The following PRKD3 variants were observed in gnomAD, a reference collection of about 807,000 sequenced individuals.
PRKD3 encodes the protein serine/threonine-protein kinase D3.
A neutral mutation model predicts 99.2 loss-of-function variants in PRKD3; 47 were observed. The ratio of observed to expected loss-of-function variants is 0.47; its 90% confidence interval spans 0.38 to 0.60. The LOEUF (loss-of-function observed/expected upper bound fraction) is 0.60. Among genes scored for constraint, PRKD3 ranks in the 20% least tolerant of loss-of-function variants. The pLI is 0.00. For missense variants in PRKD3, 1,019 were observed against 1,088.4 expected (o/e 0.94, Z 0.90); for synonymous variants, 392 against 355.4 (o/e 1.10, Z -1.16).
intron 15 of PRKD3, among the ~76,000 whole-genome samples, chr2:37,259,973 T>A (rs1668286660): frequency 6.6e-6 from 1 of 152,152 alleles, no homozygotes; most frequent in Non-Finnish European, 1.5e-5. Context: ...GAGACCAGCC[T>A]GGCCAACACG....
chr2:37,253,184 T>A lies in PRKD3; in HGVS notation c.2666A>T (p.Asp889Val). 6.2e-7 allele frequency: 1 copy of A among 1,600,226 alleles called. No individual in the cohort carries two copies. The highest frequency in any genetic ancestry group is 8.5e-7 in the Non-Finnish European group (1 of 1,172,096). Residue 889 changes from aspartate (D) to valine (V), a missense_variant, in exon 19 of 19, where the codon GAT (aspartate) becomes GTT (valine). Physicochemically the swap from Asp to Val is radical, Grantham distance 152 (BLOSUM62 -3). Coordinates refer to ENST00000234179, the MANE Select transcript of PRKD3 (RefSeq NM_005813.6). The part of the protein sequence containing the change: ...MAPNPDDMEE[D>V]P Reference sequence around the variant, plus strand: ...TTTAGGTTAGCTCAGTGATTAAGGATCTTCTTCCATATCATCTGGATTAGG... The same window carrying A: ...TTTAGGTTAGCTCAGTGATTAAGGAACTTCTTCCATATCATCTGGATTAGG...
chr2:37,266,489 C>CTT (rs556254577), intron 14 of PRKD3, among the ~76,000 whole-genome samples: 47 of 129,858 alleles, frequency 3.6e-4, no homozygotes, highest in East Asian at 1.3e-3. Context: ...CCACACCCGG[C>CTT]TTTTTTTTTT....
intron 2 of PRKD3, among the ~76,000 whole-genome samples, chr2:37,295,443 T>C (rs1217656333): frequency 6.6e-6 from 1 of 152,092 alleles, no homozygotes; most frequent in East Asian, 1.9e-4. Context: ...ACAAGGTAAA[T>C]GGAAGACGGT....
intron 2 of PRKD3, among the ~76,000 whole-genome samples, chr2:37,299,393 G>C (rs1037666610): frequency 3.3e-5 from 5 of 151,890 alleles, no homozygotes; most frequent in Non-Finnish European, 7.4e-5. Flanking sequence ...TAAAAAGTCG[G>C]GCACAGTGAC....
intron 14 of PRKD3, among the ~76,000 whole-genome samples, chr2:37,263,988 A>G (rs576134491): frequency 1.3e-5 from 2 of 152,306 alleles, no homozygotes; most frequent in East Asian, 3.9e-4. Flanking sequence ...TTCTAATTAC[A>G]TAGGTACCTA....
Position 37,316,318 on chromosome 2 carries a change from T to A in PRKD3, c.207A>T (p.Thr69=). Reference sequence around the variant, plus strand: ...GGGCTTCAATGGTAACACTCTCCCGTGTGAGGCCAATTTGCAGTAGAAATG... The same window carrying A: ...GGGCTTCAATGGTAACACTCTCCCGAGTGAGGCCAATTTGCAGTAGAAATG... ...TVSFLLQIGL[T]RESVTIEAQE... Residue 69 remains threonine (T), a synonymous_variant, in exon 2 of 19, where the codon ACA becomes ACT. Transcript: ENST00000234179. 1.9e-6 allele frequency: 3 copies of A among 1,614,224 alleles called. No individual in the cohort carries two copies. Among genetic ancestry groups the A allele is most frequent in the South Asian group, 2.2e-5 (2 of 91,090 alleles).
intron 1 of PRKD3, among the ~76,000 whole-genome samples, chr2:37,318,864 T>G (rs908500721): frequency 6.6e-6 from 1 of 152,186 alleles, no homozygotes; most frequent in Admixed American, 6.5e-5. Context: ...TTTCAAGTTC[T>G]GGCGGCTGGA....
chr2:37,321,433 T>C (rs1671879039), intron 1 of PRKD3, among the ~76,000 whole-genome samples: 1 of 152,216 alleles, frequency 6.6e-6, no homozygotes, highest in Non-Finnish European at 1.5e-5. Flanking sequence ...GAGGATTATC[T>C]CACGGTAATA....
chr2:37,324,380 G>C (rs1672023963), intron 1 of PRKD3: 1 of 222,642 alleles, frequency 4.5e-6, no homozygotes, highest in African/African-American at 2.3e-5. Context: ...TGCCCTCCGC[G>C]CGGACGCCGG....
rs1338410676 is a variant in PRKD3, at chr2:37,250,922, G to A, written c.*2255C>T. The A allele has an allele frequency of 6.6e-6, 1 of 152,628 alleles. No individual in the cohort carries two copies. The highest frequency in any genetic ancestry group is 6.5e-5 in the Admixed American group (1 of 15,276). 9.5% of individuals were successfully genotyped at this position (152,628 alleles called of 1,614,324 possible). ...TATCTGGAATAATCATTCAACTCCA[G>A]ATTCTCTGACAGTGCCTTTACAAAA... On this transcript the variant is annotated 3_prime_UTR_variant, in exon 19 of 19. Transcript: ENST00000234179.
At chr2:37,281,702 AAC>A (rs1669865418) in intron 7 of PRKD3, among the ~76,000 whole-genome samples, 1 of 152,224 alleles carries the variant, frequency 6.6e-6, no homozygotes, top group South Asian at 2.1e-4. Flanking sequence ...TAGCAGCACA[AAC>A]AGACTAAGAC....
intron 17 of PRKD3, among the ~76,000 whole-genome samples, chr2:37,256,168 C>T (rs899311668): frequency 6.6e-6 from 1 of 152,000 alleles, no homozygotes; most frequent in African/African-American, 2.4e-5. Flanking sequence ...AAAAACAGTC[C>T]CAAGCAAATT....
chr2:37,256,686 G>T lies in PRKD3; in HGVS notation c.2389C>A (p.Pro797Thr). Residue 797 changes from proline to threonine, a missense_variant, in exon 17 of 19, where the codon CCA becomes ACA. Physicochemically the swap from Pro to Thr is conservative, Grantham distance 38. Coordinates refer to ENST00000234179, the MANE Select transcript of PRKD3 (RefSeq NM_005813.6). ...CCTTCACCAGAAATTTCTCTCCATGGATTTGGTGGGTACATAAATGCAGCA... is the reference window on the plus strand; with the variant it reads ...CCTTCACCAGAAATTTCTCTCCATGTATTTGGTGGGTACATAAATGCAGCA... The part of the protein sequence containing the change: ...QNAAFMYPPN[P>T]WREISGEAID... 2.2e-6 allele frequency: 3 copies of T among 1,364,696 alleles called. No homozygotes were observed. 84.5% of individuals were successfully genotyped at this position (1,364,696 alleles called of 1,614,324 possible). A position where few individuals can be genotyped will look rare whatever the true frequency, so the allele number is the denominator to read the frequency against.
intron 9 of PRKD3, 76 bp from the exon 10 acceptor site, chr2:37,275,920 C>T: frequency 2.7e-6 from 4 of 1,474,966 alleles, no homozygotes; most frequent in Non-Finnish European, 2.7e-6. Flanking sequence ...CTTTTCCCTT[C>T]ATTTACATTC....
intron 2 of PRKD3, among the ~76,000 whole-genome samples, chr2:37,308,613 C>T (rs540851086): frequency 2.6e-5 from 4 of 151,492 alleles, no homozygotes; most frequent in Middle Eastern, 3.4e-3. Flanking sequence ...TGCCACCACA[C>T]CTGGCTAGTT....
chr2:37,304,076 C>G (rs1398870091), intron 2 of PRKD3, among the ~76,000 whole-genome samples: 1 of 151,748 alleles, frequency 6.6e-6, no homozygotes, highest in African/African-American at 2.4e-5. Context: ...CCAAATAAAT[C>G]TTCACAAGTC....
chr2:37,286,999 G>C (rs1332815319), intron 5 of PRKD3, among the ~76,000 whole-genome samples: 1 of 151,832 alleles, frequency 6.6e-6, no homozygotes, highest in Non-Finnish European at 1.5e-5. Context: ...GGGAGGCCGA[G>C]GTGGGCGGAT....
intron 1 of PRKD3, among the ~76,000 whole-genome samples, chr2:37,319,550 T>C (rs1456131782): frequency 6.6e-6 from 1 of 152,146 alleles, no homozygotes; most frequent in Non-Finnish European, 1.5e-5. Flanking sequence ...AATGCTTACT[T>C]GTAAGCAGTT....
At chr2:37,299,051 T>C (rs1396123824) in intron 2 of PRKD3, among the ~76,000 whole-genome samples, 2 of 152,210 alleles carry the variant, frequency 1.3e-5, no homozygotes, top group Non-Finnish European at 2.9e-5. Flanking sequence ...GTATACCAGC[T>C]GCATGTCTGT....
Sources: allele counts gnomAD v4.1 joint callset (sites outside exome capture counted in the v4.1 genomes callset), GRCh38; gene constraint gnomAD v4.1.1; transcripts MANE v1.5; gene names NCBI Gene and HGNC (gene_info 2026-07-23, HGNC 2026-07-21).